PCDH9: variants seen among roughly 807,000 people sequenced by gnomAD.
PCDH9 encodes the protein protocadherin-9.
Under a neutral mutation model 70.6 loss-of-function variants are expected in PCDH9, and 24 were observed. The observed-to-expected ratio is 0.34, with a 90% CI of 0.25 to 0.48. The LOEUF (loss-of-function observed/expected upper bound fraction) is 0.48. PCDH9 is among the 20% of genes least tolerant of loss of function. The probability of loss-of-function intolerance (pLI) is 0.99; values close to 1 mark genes in which losing one functional copy is unlikely to be tolerated. For synonymous variants in PCDH9, 562 were observed against 558.5 expected (o/e 1.01, Z -0.09); for missense variants, 1,281 against 1,503.6 (o/e 0.85, Z 2.45).
At chr13:66,397,324 T>A (rs993315758) in intron 4 of PCDH9, among the ~76,000 whole-genome samples, 1 of 151,800 alleles carries the variant, frequency 6.6e-6, no homozygotes, top group Admixed American at 6.6e-5. Flanking sequence ...GAAGCTGAAG[T>A]GGGAGGATTG....
At chr13:66,648,684 G>A (rs1007393129) in intron 3 of PCDH9, among the ~76,000 whole-genome samples, 9 of 151,862 alleles carry the variant, frequency 5.9e-5, no homozygotes. Flanking sequence ...ACATTCTCAA[G>A]TATCAAGACC....
At chr13:67,047,646 C>T (rs768816518) in intron 2 of PCDH9, among the ~76,000 whole-genome samples, 19 of 152,138 alleles carry the variant, frequency 1.2e-4, no homozygotes, top group East Asian at 9.6e-4. Context: ...GTTAATGTAA[C>T]GCCTTTTAGT....
At chr13:66,545,623 A>G (rs1961151166) in intron 4 of PCDH9, among the ~76,000 whole-genome samples, 1 of 152,136 alleles carries the variant, frequency 6.6e-6, no homozygotes, top group South Asian at 2.1e-4. Flanking sequence ...TGTTTTAACC[A>G]TGATACCATT....
At chr13:66,934,681 A>G (rs1181256803) in intron 2 of PCDH9, among the ~76,000 whole-genome samples, 2 of 131,900 alleles carry the variant, frequency 1.5e-5, no homozygotes, top group African/African-American at 5.6e-5. Context: ...TTTCCTTTTG[A>G]TATTGTATTC....
intron 3 of PCDH9, chr13:66,880,288 C>A (rs551741788): frequency 9.2e-5 from 14 of 152,278 alleles, no homozygotes; most frequent in Admixed American, 3.9e-4. Flanking sequence ...ACACTAAACA[C>A]AGCTGCCTAA....
At chr13:66,705,000 A>T (rs1257661264) in intron 3 of PCDH9, among the ~76,000 whole-genome samples, 2 of 152,050 alleles carry the variant, frequency 1.3e-5, no homozygotes, top group African/African-American at 2.4e-5. Flanking sequence ...ACATTTGCAA[A>T]TTTTTATTTT....
chr13:66,435,697 A>C (rs1957856562), intron 4 of PCDH9, among the ~76,000 whole-genome samples: 1 of 152,240 alleles, frequency 6.6e-6, no homozygotes, highest in Non-Finnish European at 1.5e-5. Context: ...ATATTGACTG[A>C]GACTAATGAA....
chr13:66,841,106 A>G (rs1304163897), intron 3 of PCDH9, among the ~76,000 whole-genome samples: 2 of 152,226 alleles, frequency 1.3e-5, no homozygotes, highest in Admixed American at 6.5e-5. Flanking sequence ...ATTTTTCAAA[A>G]AATAAATGTG....
intron 3 of PCDH9, among the ~76,000 whole-genome samples, chr13:66,813,966 A>G (rs1594094748): frequency 6.6e-6 from 1 of 152,314 alleles, no homozygotes; most frequent in Admixed American, 6.5e-5. Context: ...AGCAAATGAC[A>G]CACAAACTAC....
At chr13:66,464,487 C>T (rs1002286217) in intron 4 of PCDH9, among the ~76,000 whole-genome samples, 3 of 151,878 alleles carry the variant, frequency 2.0e-5, no homozygotes, top group Non-Finnish European at 2.9e-5. Context: ...TTCTAAAGAG[C>T]ATTTTGTAAA....
chr13:66,976,771 T>C (rs2083628724), intron 2 of PCDH9, among the ~76,000 whole-genome samples: 2 of 152,124 alleles, frequency 1.3e-5, no homozygotes, highest in Admixed American at 1.3e-4. Flanking sequence ...TATTACACTT[T>C]ATCTGTAATC....
At chr13:66,935,351 T>C (rs1211735363) in intron 2 of PCDH9, among the ~76,000 whole-genome samples, 1 of 152,168 alleles carries the variant, frequency 6.6e-6, no homozygotes, top group African/African-American at 2.4e-5. Flanking sequence ...TTTCCATTCC[T>C]GGCCTTATTC....
intron 4 of PCDH9, among the ~76,000 whole-genome samples, chr13:66,467,921 T>C (rs61957634): frequency 0.22 from 33,017 of 151,800 alleles, 3,696 homozygotes; most frequent in African/African-American, 0.23. Flanking sequence ...TTGTCTATGT[T>C]AGTAATGATT....
intron 2 of PCDH9, among the ~76,000 whole-genome samples, chr13:67,171,187 G>A (rs1283925376): frequency 1.3e-5 from 2 of 152,060 alleles, no homozygotes; most frequent in Admixed American, 6.6e-5. Context: ...TTTTCCCACA[G>A]GGAATAATTT....
chr13:67,023,994 G>A (rs1391254712), intron 2 of PCDH9, among the ~76,000 whole-genome samples: 1 of 151,982 alleles, frequency 6.6e-6, no homozygotes, highest in Non-Finnish European at 1.5e-5. Context: ...AGAAACAAGG[G>A]GAAGATGAAG....
chr13:66,980,737 TTTTTG>T lies in PCDH9; in HGVS notation c.3037-77137_3037-77133del, dbSNP rs753510894. 4.0e-4 allele frequency among the ~76,000 whole-genome samples: 56 copies of T among 140,268 alleles called. 1 individual carries two copies. Among genetic ancestry groups the T allele is most frequent in the Non-Finnish European group, 3.1e-4 (20 of 64,282 alleles). 92.0% of individuals were successfully genotyped at this position (140,268 alleles called of 152,430 possible). A position where few individuals can be genotyped will look rare whatever the true frequency, so the allele number is the denominator to read the frequency against. On this transcript the variant is annotated intron_variant, in intron 2 of 4. Coordinates refer to ENST00000377865, the MANE Select transcript of PCDH9 (RefSeq NM_203487.3). ...TTTCCTGTTTTTTTCTTTGTTTTTT[TTTTTG>T]TTTTTTTTTTTACTATTTTATATCC... is the stretch of plus-strand genomic sequence containing the variant.
At chr13:66,843,065 A>G (rs1472819347) in intron 3 of PCDH9, among the ~76,000 whole-genome samples, 1 of 152,196 alleles carries the variant, frequency 6.6e-6, no homozygotes, top group African/African-American at 2.4e-5. Flanking sequence ...ATCAATTACT[A>G]TCGGCAGTGA....
At chr13:66,556,819 A>G (rs1480921319) in intron 4 of PCDH9, among the ~76,000 whole-genome samples, 1 of 152,108 alleles carries the variant, frequency 6.6e-6, no homozygotes, top group Non-Finnish European at 1.5e-5. Context: ...TTTGAGACAA[A>G]AGAGTACATT....
intron 2 of PCDH9, among the ~76,000 whole-genome samples, chr13:67,167,045 A>G (rs2088137526): frequency 6.6e-6 from 1 of 152,228 alleles, no homozygotes. Flanking sequence ...TCTTACAATC[A>G]TATATTTTAT....
Sources: allele counts gnomAD v4.1 joint callset (sites outside exome capture counted in the v4.1 genomes callset), GRCh38; gene constraint gnomAD v4.1.1; transcripts MANE v1.5; gene names NCBI Gene and HGNC (gene_info 2026-07-23, HGNC 2026-07-21).